EXT2: variants seen among roughly 807,000 people sequenced by gnomAD.
EXT2 encodes the protein exostosin glycosyltransferase 2.
In EXT2, 53 loss-of-function variants were observed where a neutral mutation model predicts 81.6. The ratio of observed to expected loss-of-function variants is 0.65; its 90% CI spans 0.52 to 0.82. The LOEUF is 0.82. Ranked by LOEUF, EXT2 falls within the 40% of genes least tolerant of loss-of-function variation. The pLI is 0.00. For synonymous variants in EXT2, 320 were observed against 340.0 expected (o/e 0.94, Z 0.65); for missense variants, 774 against 910.2 (o/e 0.85, Z 1.93).
intron 1 of EXT2, among the ~76,000 whole-genome samples, chr11:44,102,275 A>C (rs1476544153): frequency 6.6e-6 from 1 of 152,156 alleles, no homozygotes; most frequent in African/African-American, 2.4e-5. Context: ...GCAACCCTCA[A>C]CCAATAGTGG....
intron 3 of EXT2, among the ~76,000 whole-genome samples, chr11:44,109,588 G>A (rs903286291): frequency 6.6e-6 from 1 of 152,108 alleles, no homozygotes; most frequent in African/African-American, 2.4e-5. Context: ...CTGAATTCGG[G>A]AGCATTTGCC....
intron 8 of EXT2, among the ~76,000 whole-genome samples, chr11:44,188,877 A>T (rs1354845130): frequency 6.6e-6 from 1 of 152,214 alleles, no homozygotes; most frequent in Non-Finnish European, 1.5e-5. Flanking sequence ...AGCCCTATTG[A>T]AAGGATCAGA....
chr11:44,236,039 C>T (rs1276616841), intron 12 of EXT2, among the ~76,000 whole-genome samples: 1 of 152,178 alleles, frequency 6.6e-6, no homozygotes, highest in Non-Finnish European at 1.5e-5. Flanking sequence ...AATTAAGGAG[C>T]TTGTCATCAC....
rs77931461 is a variant in EXT2 at position 44,125,014 on chromosome 11, G to A, written c.939+30G>A. On this transcript the variant is annotated intron_variant, in intron 5 of 13. Coordinates refer to ENST00000533608, the MANE Select transcript of EXT2 (RefSeq NM_207122.2). ...GTGTCATTCATTACCTCTCGCAAAG[G>A]CTCAGGAGAGTTTGCTTACATGGGT... is the stretch of plus-strand genomic sequence containing the variant. 23,050 of 1,605,060 alleles carry A rather than the reference G, an allele frequency of 0.014. 174 individuals are homozygous for A. The highest frequency in any genetic ancestry group is 0.017 in the Non-Finnish European group (19,658 of 1,175,788).
chr11:44,201,698 A>G (rs1269364516), intron 9 of EXT2, among the ~76,000 whole-genome samples: 1 of 152,096 alleles, frequency 6.6e-6, no homozygotes, highest in Non-Finnish European at 1.5e-5. Flanking sequence ...AAGTAAATCT[A>G]TTTTTTTGAA....
intron 1 of EXT2, chr11:44,104,830 C>T (rs375033457): frequency 1.3e-5 from 2 of 152,192 alleles, no homozygotes; most frequent in African/African-American, 4.8e-5. Flanking sequence ...GAATATTCTG[C>T]TTACTGTTAG....
At chr11:44,164,360 A>G (rs1954964909) in intron 7 of EXT2, among the ~76,000 whole-genome samples, 1 of 151,994 alleles carries the variant, frequency 6.6e-6, no homozygotes, top group African/African-American at 2.4e-5. Context: ...TGACAGCTTT[A>G]TTTTATGTCA....
chr11:44,119,406 T>C (rs1294644928), intron 4 of EXT2, among the ~76,000 whole-genome samples: 2 of 151,988 alleles, frequency 1.3e-5, no homozygotes, highest in Non-Finnish European at 2.9e-5. Flanking sequence ...TCAAGTGCCC[T>C]CTTCCAGTGC....
intron 4 of EXT2, among the ~76,000 whole-genome samples, chr11:44,121,004 G>A (rs945881619): frequency 6.6e-6 from 1 of 152,196 alleles, no homozygotes; most frequent in Non-Finnish European, 1.5e-5. Flanking sequence ...AAACTAAAAT[G>A]AGCATACTCC....
At chr11:44,099,272 G>A (rs1302114684) in intron 1 of EXT2, among the ~76,000 whole-genome samples, 1 of 152,028 alleles carries the variant, frequency 6.6e-6, no homozygotes, top group Admixed American at 6.5e-5. Context: ...TGCAAGCTCC[G>A]CCTCCCAGGT....
chr11:44,178,808 A>G (rs1418806058), intron 8 of EXT2, among the ~76,000 whole-genome samples: 1 of 152,210 alleles, frequency 6.6e-6, no homozygotes, highest in Non-Finnish European at 1.5e-5. Flanking sequence ...ATTAAAAAAA[A>G]AAAATGTATG....
At chr11:44,138,046 G>A (rs1236769643) in intron 7 of EXT2, among the ~76,000 whole-genome samples, 2 of 152,130 alleles carry the variant, frequency 1.3e-5, no homozygotes, top group African/African-American at 2.4e-5. Flanking sequence ...TTCACAACTG[G>A]GTAGCCTCAG....
chr11:44,176,857 C>G (rs1448709566), intron 8 of EXT2, among the ~76,000 whole-genome samples: 1 of 147,700 alleles, frequency 6.8e-6, no homozygotes, highest in Non-Finnish European at 1.5e-5. Context: ...CTTGCTCAGA[C>G]TGGAGAAGGA....
intron 10 of EXT2, among the ~76,000 whole-genome samples, chr11:44,218,476 G>A (rs1955744436): frequency 6.6e-6 from 1 of 152,204 alleles, no homozygotes. Flanking sequence ...AGGCAGAAAA[G>A]AGGTGTTGTA....
rs79237723 is a variant in EXT2 at position 44,239,374 on chromosome 11, G to T, written c.2018+2999G>T. ...GAATAATAAGATATGTGATTTGGGG[G>T]TCTTTCCCTCTGTATATACTTTTTT... is the stretch of plus-strand genomic sequence containing the variant. On this transcript the variant is annotated intron_variant, in intron 13 of 13. Coordinates refer to ENST00000533608, the MANE Select transcript of EXT2 (RefSeq NM_207122.2). Among the ~76,000 whole-genome samples, 710 of 147,508 alleles carry T rather than the reference G, an allele frequency of 4.8e-3. 3 individuals are homozygous for T. Among genetic ancestry groups the T allele is most frequent in the African/African-American group, 0.017 (686 of 40,072 alleles).
chr11:44,173,933 A>G (rs2135133486), intron 8 of EXT2, among the ~76,000 whole-genome samples: 1 of 152,332 alleles, frequency 6.6e-6, no homozygotes, highest in South Asian at 2.1e-4. Context: ...ATATGTGGAC[A>G]TATCTACAGA....
chr11:44,237,493 ACT>A (rs1465485981), intron 13 of EXT2, among the ~76,000 whole-genome samples: 3 of 152,180 alleles, frequency 2.0e-5, no homozygotes, highest in Admixed American at 2.0e-4. Context: ...AGTGACATAC[ACT>A]GTCGTAGCTC....
chr11:44,226,962 C>G (rs143054117), intron 10 of EXT2, among the ~76,000 whole-genome samples: 3 of 152,362 alleles, frequency 2.0e-5, no homozygotes, highest in Non-Finnish European at 2.9e-5. Flanking sequence ...ATTTCTCTCA[C>G]TACTTCTTAG....
chr11:44,214,856 A>G (rs768986756), intron 10 of EXT2, among the ~76,000 whole-genome samples: 1 of 148,514 alleles, frequency 6.7e-6, no homozygotes, highest in Non-Finnish European at 1.5e-5. Context: ...GGCTCAAGTG[A>G]TTCTCCCACC....
Sources: gnomAD v4.1 joint callset for allele counts (sites outside exome capture counted in the v4.1 genomes callset) on GRCh38, gnomAD v4.1.1 for gene constraint, MANE v1.5 for transcripts, NCBI Gene and HGNC (gene_info 2026-07-23, HGNC 2026-07-21) for gene names.